Variants in GPR158 observed in about 807,000 individuals in gnomAD.
GPR158 encodes G protein-coupled receptor 158.
Under a neutral mutation model 78.2 loss-of-function variants are expected in GPR158, and 30 were observed. The ratio of observed to expected loss-of-function variants is 0.38; its 90% CI spans 0.29 to 0.52. GPR158 has a LOEUF of 0.52. Among genes scored for constraint, GPR158 ranks in the 20% least tolerant of loss-of-function variants. The pLI, the probability that GPR158 is intolerant of heterozygous loss-of-function variation, is 0.83. For missense variants in GPR158, 1,463 were observed against 1,523.5 expected (o/e 0.96, Z 0.66); for synonymous variants, 581 against 591.1 (o/e 0.98, Z 0.25).
chr10:25,408,724 C>G (rs1343500948), intron 3 of GPR158, among the ~76,000 whole-genome samples: 1 of 152,194 alleles, frequency 6.6e-6, no homozygotes, highest in Non-Finnish European at 1.5e-5. Context: ...AAGTTTTCCT[C>G]TGCAATGGAT....
At chr10:25,334,721 T>TTACC (rs1275459486) in intron 2 of GPR158, among the ~76,000 whole-genome samples, 1 of 151,988 alleles carries the variant, frequency 6.6e-6, no homozygotes, top group Non-Finnish European at 1.5e-5. Flanking sequence ...GGTATCAGTA[T>TTACC]TACCTCCTTT....
At chr10:25,394,668 G>T (rs1449415012) in intron 2 of GPR158, among the ~76,000 whole-genome samples, 1 of 152,160 alleles carries the variant, frequency 6.6e-6, no homozygotes, top group African/African-American at 2.4e-5. Flanking sequence ...AGATGGAAAA[G>T]AAGAGGGTAT....
intron 2 of GPR158, among the ~76,000 whole-genome samples, chr10:25,255,604 G>GTTTGTTTTGT (rs753662068): frequency 6.6e-6 from 1 of 152,106 alleles, no homozygotes; most frequent in Non-Finnish European, 1.5e-5. Context: ...TTGTTTGTCT[G>GTTTGTTTTGT]TTTGTTTTGT....
intron 2 of GPR158, among the ~76,000 whole-genome samples, chr10:25,303,807 C>A (rs535012975): frequency 6.6e-6 from 1 of 152,072 alleles, no homozygotes; most frequent in Non-Finnish European, 1.5e-5. Context: ...AAAATGAAAA[C>A]CCTGCCTTTT....
chr10:25,463,793 T>G (rs899330201), intron 4 of GPR158, among the ~76,000 whole-genome samples: 2 of 152,150 alleles, frequency 1.3e-5, no homozygotes, highest in African/African-American at 4.8e-5. Context: ...ATTCCTATAT[T>G]TTGCTTTGAA....
At chr10:25,478,015 A>G (rs143465901) in intron 5 of GPR158, among the ~76,000 whole-genome samples, 1 of 152,260 alleles carries the variant, frequency 6.6e-6, no homozygotes, top group East Asian at 1.9e-4. Context: ...CCTCTTCTGT[A>G]CTCAACCCAT....
At chr10:25,485,934 T>A (rs1168993326) in intron 5 of GPR158, among the ~76,000 whole-genome samples, 1 of 152,120 alleles carries the variant, frequency 6.6e-6, no homozygotes, top group East Asian at 1.9e-4. Flanking sequence ...GGGGCCCTTA[T>A]GAATGGGATT....
chr10:25,442,844 A>G (rs925732056), intron 4 of GPR158, among the ~76,000 whole-genome samples: 2 of 152,100 alleles, frequency 1.3e-5, no homozygotes, highest in Non-Finnish European at 2.9e-5. Context: ...ACTGATTGTT[A>G]TAGTACCTTC....
At chr10:25,394,144 G>T (rs975921384) in intron 2 of GPR158, among the ~76,000 whole-genome samples, 2 of 152,116 alleles carry the variant, frequency 1.3e-5, no homozygotes, top group African/African-American at 4.8e-5. Context: ...GGCCAAAAAC[G>T]CTGGAGTCAT....
At position 25,594,315 on chromosome 10, in the gene GPR158, A is replaced by G. The variant is rs1471352068; in HGVS notation, c.1916A>G (p.Gln639Arg). The G allele has an allele frequency of 7.0e-6, 11 of 1,576,502 alleles. No individual in the cohort carries two copies. Among genetic ancestry groups the G allele is most frequent in the South Asian group, 1.1e-5 (1 of 90,256 alleles). Residue 639 changes from glutamine (Q) to arginine (R), a missense_variant, in exon 9 of 11, where the codon CAG (glutamine) becomes CGG (arginine). Coordinates refer to ENST00000376351, the MANE Select transcript of GPR158 (RefSeq NM_020752.3). ...TIRFVLASRL[Q>R]SDWMLMLYFA... is the part of the protein sequence containing the mutation. ...AGATTTGTTCTTGCCTCAAGACTTCAGTCTGATTGGATGTTGATGCTGTAT... is the reference window on the plus strand; with the variant it reads ...AGATTTGTTCTTGCCTCAAGACTTCGGTCTGATTGGATGTTGATGCTGTAT...
chr10:25,175,643 G>T lies in GPR158; in HGVS notation c.223G>T (p.Ala75Ser), dbSNP rs1852516553. The T allele has an allele frequency of 6.2e-7, 1 of 1,611,240 alleles. No individual in the cohort carries two copies. The highest frequency in any genetic ancestry group is 8.5e-7 in the Non-Finnish European group (1 of 1,179,946). Residue 75 changes from alanine (A) to serine (S), a missense_variant, in exon 1 of 11, where the codon GCC (alanine) becomes TCC (serine). Ala to Ser is a moderately conservative substitution (Grantham distance 99). Coordinates refer to ENST00000376351, the MANE Select transcript of GPR158 (RefSeq NM_020752.3). This position sits in a 1 kb window ranked among gnomAD's most constrained non-coding sequence, Gnocchi z 6.4. ...TDGTILAQKL[A>S]EEVPMDVASY... ...TGGCACCATCTTGGCGCAGAAACTC[G>T]CCGAGGAGGTGCCCATGGACGTGGC...
intron 2 of GPR158, among the ~76,000 whole-genome samples, chr10:25,252,156 C>T (rs1853812643): frequency 6.6e-6 from 1 of 152,014 alleles, no homozygotes; most frequent in African/African-American, 2.4e-5. Flanking sequence ...CCTTGGTTTT[C>T]AGCTCCATCA....
chr10:25,331,676 C>T (rs947463610), intron 2 of GPR158, among the ~76,000 whole-genome samples: 1 of 152,168 alleles, frequency 6.6e-6, no homozygotes, highest in African/African-American at 2.4e-5. Flanking sequence ...TGGCTTTCAT[C>T]GGTATATCTG....
intron 1 of GPR158, among the ~76,000 whole-genome samples, chr10:25,188,157 T>G (rs959049430): frequency 4.6e-5 from 7 of 152,134 alleles, no homozygotes; most frequent in African/African-American, 1.7e-4. Flanking sequence ...TGGAAGAACA[T>G]TCCATGCTCA....
intron 2 of GPR158, among the ~76,000 whole-genome samples, chr10:25,330,409 G>A (rs1362803299): frequency 6.6e-6 from 1 of 152,044 alleles, no homozygotes; most frequent in Non-Finnish European, 1.5e-5. Flanking sequence ...AGTTTGGCGA[G>A]GCATTTGAGT....
intron 4 of GPR158, among the ~76,000 whole-genome samples, chr10:25,434,354 C>T (rs1030622858): frequency 6.6e-6 from 1 of 152,100 alleles, no homozygotes; most frequent in African/African-American, 2.4e-5. Flanking sequence ...CTTATATTTA[C>T]TTATGTCTAT....
At chr10:25,406,677 A>G (rs1834519728) in intron 3 of GPR158, among the ~76,000 whole-genome samples, 1 of 152,162 alleles carries the variant, frequency 6.6e-6, no homozygotes, top group Non-Finnish European at 1.5e-5. Flanking sequence ...AGTTACAACA[A>G]TTTAATTAGT....
chr10:25,501,122 C>A lies in GPR158; in HGVS notation c.1404+34403C>A, dbSNP rs189321672. On this transcript the variant is annotated intron_variant, in intron 5 of 10. Transcript: ENST00000376351. Reference sequence around the variant, plus strand: ...CAGGGACTCCGACCTGTTGAGCAAGCTGGGTAGGAGAAATCCCCCGGGTCA... The same window carrying A: ...CAGGGACTCCGACCTGTTGAGCAAGATGGGTAGGAGAAATCCCCCGGGTCA... 2.5e-3 allele frequency among the ~76,000 whole-genome samples: 376 copies of A among 152,228 alleles called. 4 individuals carry two copies. Among genetic ancestry groups the A allele is most frequent in the African/African-American group, 8.7e-3 (361 of 41,546 alleles).
At chr10:25,524,140 A>G (rs1465494360) in intron 5 of GPR158, among the ~76,000 whole-genome samples, 1 of 152,236 alleles carries the variant, frequency 6.6e-6, no homozygotes, top group African/African-American at 2.4e-5. Context: ...GAAAACTACA[A>G]AACATCATTA....
Sources: gnomAD v4.1 joint callset for allele counts (sites outside exome capture counted in the v4.1 genomes callset) on GRCh38, gnomAD v4.1.1 for gene constraint, Gnocchi (gnomAD v3.1) non-coding constraint, MANE v1.5 for transcripts, NCBI Gene and HGNC (gene_info 2026-07-23, HGNC 2026-07-21) for gene names.